GRIK3: variants seen among roughly 807,000 people sequenced by gnomAD.
The protein encoded by GRIK3 is glutamate ionotropic receptor kainate type subunit 3.
GRIK3 carries 29 observed loss-of-function variants against 102.5 expected under a neutral mutation model. The observed-to-expected ratio is 0.28, with a 90% CI of 0.21 to 0.39. The LOEUF is 0.39. GRIK3 is among the 10% of genes least tolerant of loss of function. The pLI is 1.00. For missense variants in GRIK3, 908 were observed against 1,252.4 expected, an observed-to-expected ratio of 0.73 and a Z score of 4.15; for synonymous variants, 511 against 504.9, an observed-to-expected ratio of 1.01 and a Z score of -0.16.
At chr1:36,839,559 T>C (rs1051468481) in intron 10 of GRIK3, among the ~76,000 whole-genome samples, 4 of 152,138 alleles carry the variant, frequency 2.6e-5, no homozygotes, top group Admixed American at 6.5e-5. Context: ...AAAATAAAAA[T>C]AATAATAGTA....
At chr1:36,873,304 G>T (rs913121157) in intron 3 of GRIK3, among the ~76,000 whole-genome samples, 1 of 152,132 alleles carries the variant, frequency 6.6e-6, no homozygotes, top group African/African-American at 2.4e-5. Context: ...CTCTACCTTG[G>T]TTGGCGTTTT....
chr1:36,925,363 C>G (rs1317707004), intron 1 of GRIK3, among the ~76,000 whole-genome samples: 2 of 152,288 alleles, frequency 1.3e-5, no homozygotes, highest in Non-Finnish European at 2.9e-5. Flanking sequence ...TCCCAGCCCC[C>G]AGGGGCCTAG....
chr1:36,898,702 C>A (rs985345091), intron 1 of GRIK3, among the ~76,000 whole-genome samples: 1 of 151,998 alleles, frequency 6.6e-6, no homozygotes, highest in Non-Finnish European at 1.5e-5. Flanking sequence ...AAAAACCAAT[C>A]CTAAAATTCA....
chr1:36,886,933 C>CT (rs1228114579), intron 2 of GRIK3, among the ~76,000 whole-genome samples: 5 of 152,162 alleles, frequency 3.3e-5, no homozygotes, highest in African/African-American at 1.2e-4. Flanking sequence ...AAAGTTTATT[C>CT]TTTTTTTAAT....
chr1:36,893,552 G>A (rs867829716), intron 1 of GRIK3, among the ~76,000 whole-genome samples: 8 of 152,262 alleles, frequency 5.3e-5, no homozygotes, highest in South Asian at 2.1e-4. Flanking sequence ...GCTTTGGTGC[G>A]GGAATAGTTG....
In GRIK3 at chr1:36,855,236, T is replaced by C. The variant is rs74064790; in HGVS notation, c.1105-1514A>G. Among the ~76,000 whole-genome samples, 966 of 152,276 alleles carry C rather than the reference T, an allele frequency of 6.3e-3. 12 individuals are homozygous for C. Among genetic ancestry groups the C allele is most frequent in the African/African-American group, 0.022 (909 of 41,564 alleles). On this transcript the variant is annotated intron_variant, in intron 7 of 15. Coordinates refer to ENST00000373091, the MANE Select transcript of GRIK3 (RefSeq NM_000831.4). ...TGGGAGCCTGGCTCCCAGTCCTTGC[T>C]TTGCCGCATTGGGTTCCTAACCACT...
intron 1 of GRIK3, among the ~76,000 whole-genome samples, chr1:36,940,783 C>T (rs914613157): frequency 3.9e-5 from 6 of 152,198 alleles, no homozygotes; most frequent in African/African-American, 1.4e-4. Context: ...CTCCTGAAAA[C>T]AGAGCTCACA....
intron 1 of GRIK3, among the ~76,000 whole-genome samples, chr1:36,911,157 G>A (rs1258161417): frequency 2.0e-5 from 3 of 151,916 alleles, no homozygotes; most frequent in African/African-American, 2.4e-5. Context: ...GGGGAGCTGC[G>A]TGGTTGGCTT....
chr1:37,012,260 G>C (rs1011978988), intron 1 of GRIK3, among the ~76,000 whole-genome samples: 1 of 152,236 alleles, frequency 6.6e-6, no homozygotes, highest in Admixed American at 6.5e-5. Flanking sequence ...ATAACCATGT[G>C]TTGGATGCGA....
chr1:36,817,788 T>C (rs910153134), intron 12 of GRIK3, among the ~76,000 whole-genome samples: 1 of 152,196 alleles, frequency 6.6e-6, no homozygotes, highest in African/African-American at 2.4e-5. Context: ...TGAAGAATTG[T>C]CCTTCCTCTG....
chr1:36,837,269 C>T (rs1010743474), intron 10 of GRIK3, among the ~76,000 whole-genome samples: 3 of 152,116 alleles, frequency 2.0e-5, no homozygotes, highest in Admixed American at 6.5e-5. Flanking sequence ...CTACAGGGAC[C>T]CCAATCCCAA....
intron 1 of GRIK3, among the ~76,000 whole-genome samples, chr1:37,024,955 T>C (rs1480309311): frequency 6.6e-6 from 1 of 152,148 alleles, no homozygotes; most frequent in Non-Finnish European, 1.5e-5. Context: ...ATTCTCATTT[T>C]ACAGGTAAGG....
chr1:36,898,485 A>C (rs939447474), intron 1 of GRIK3, among the ~76,000 whole-genome samples: 6 of 152,198 alleles, frequency 3.9e-5, no homozygotes, highest in African/African-American at 1.4e-4. Context: ...AAAAAATAAA[A>C]TTTAAAATGT....
intron 1 of GRIK3, among the ~76,000 whole-genome samples, chr1:36,968,964 T>C (rs1642111874): frequency 6.6e-6 from 1 of 152,156 alleles, no homozygotes; most frequent in African/African-American, 2.4e-5. Context: ...CAAACTAATT[T>C]GGGGGCCTTG....
chr1:36,835,343 C>A (rs1263685435), intron 10 of GRIK3, among the ~76,000 whole-genome samples: 1 of 152,242 alleles, frequency 6.6e-6, no homozygotes, highest in Non-Finnish European at 1.5e-5. Context: ...CAAGCCAAAC[C>A]CAGAATGCAT....
At chr1:36,844,274 C>T (rs376996962) in intron 9 of GRIK3, among the ~76,000 whole-genome samples, 9 of 152,202 alleles carry the variant, frequency 5.9e-5, no homozygotes, top group African/African-American at 2.2e-4. Context: ...CTCGGCTAGG[C>T]GCCATGCTTA....
intron 1 of GRIK3, among the ~76,000 whole-genome samples, chr1:37,008,903 G>C (rs1450116664): frequency 6.6e-6 from 1 of 152,152 alleles, no homozygotes; most frequent in Non-Finnish European, 1.5e-5. Context: ...CCATCTCCCT[G>C]ATTCTTTTCT....
intron 8 of GRIK3, 51 bp downstream of exon 8, chr1:36,853,564 T>C: frequency 8.2e-7 from 1 of 1,226,258 alleles, no homozygotes. Context: ...CCTAGGAGAT[T>C]TAAGAAGCCC....
At chr1:36,852,265 G>A (rs570154064) in intron 8 of GRIK3, among the ~76,000 whole-genome samples, 10 of 152,326 alleles carry the variant, frequency 6.6e-5, no homozygotes, top group African/African-American at 2.4e-4. Context: ...GAGTAGGTGG[G>A]AAAGTCGGGA....
Sources: gnomAD v4.1 joint callset for allele counts (sites outside exome capture counted in the v4.1 genomes callset) on GRCh38, gnomAD v4.1.1 for gene constraint, MANE v1.5 for transcripts, NCBI Gene and HGNC (gene_info 2026-07-23, HGNC 2026-07-21) for gene names.